The following MALRD1 variants were observed in gnomAD, a reference collection of about 807,000 sequenced individuals.
MALRD1 encodes the protein MAM and LDL-receptor class A domain-containing protein 1.
Under a neutral mutation model 242.1 loss-of-function variants are expected in MALRD1, and 247 were observed. The ratio of observed to expected loss-of-function variants is 1.02; its 90% confidence interval spans 0.92 to 1.13. MALRD1 has a LOEUF of 1.13. Among genes scored for constraint, MALRD1 ranks in the 50% most tolerant of loss-of-function variants. The probability of loss-of-function intolerance (pLI) is 0.00; values close to 1 mark genes in which losing one functional copy is unlikely to be tolerated. For missense variants in MALRD1, 2,989 were observed against 2,533.1 expected (o/e 1.18, Z -3.86); for synonymous variants, 995 against 866.6 (o/e 1.15, Z -2.60).
intron 19 of MALRD1, among the ~76,000 whole-genome samples, chr10:19,270,336 TCACACACACACACACA>T (rs200537040): frequency 6.9e-5 from 9 of 130,876 alleles, no homozygotes; most frequent in East Asian, 2.2e-4. Flanking sequence ...TCTCTCTCTC[TCACACACACACACACA>T]CACACACACA....
intron 30 of MALRD1, among the ~76,000 whole-genome samples, chr10:19,497,974 G>A (rs1009968712): frequency 4.6e-5 from 7 of 152,226 alleles, no homozygotes; most frequent in African/African-American, 1.4e-4. Context: ...CTTTAATTTA[G>A]TGACTAGCTC....
intron 33 of MALRD1, among the ~76,000 whole-genome samples, chr10:19,590,525 C>T (rs545275951): frequency 1.2e-3 from 189 of 151,752 alleles, no homozygotes; most frequent in African/African-American, 4.4e-3. Flanking sequence ...GCCTTAAAGT[C>T]AGCTTCCCAG....
chr10:19,294,226 T>C (rs1841584592), intron 21 of MALRD1, among the ~76,000 whole-genome samples: 1 of 152,152 alleles, frequency 6.6e-6, no homozygotes, highest in Non-Finnish European at 1.5e-5. Context: ...AAGAAATAAT[T>C]GTACTTACAT....
intron 29 of MALRD1, chr10:19,489,353 G>A (rs1837380554): frequency 1.8e-6 from 1 of 542,538 alleles, no homozygotes; most frequent in Non-Finnish European, 3.7e-6. Context: ...GAAAACTGAG[G>A]AGAGTCCAGC....
chr10:19,337,116 G>T (rs1421996861), intron 24 of MALRD1, among the ~76,000 whole-genome samples: 1 of 151,920 alleles, frequency 6.6e-6, no homozygotes, highest in East Asian at 1.9e-4. Flanking sequence ...TTACACATAT[G>T]TATATGTAAG....
intron 2 of MALRD1, among the ~76,000 whole-genome samples, chr10:19,086,902 T>A (rs768760259): frequency 6.6e-6 from 1 of 152,012 alleles, no homozygotes; most frequent in Non-Finnish European, 1.5e-5. Context: ...TCTGTTCCCA[T>A]ACATCTTTCT....
intron 5 of MALRD1, among the ~76,000 whole-genome samples, chr10:19,111,796 T>A (rs1338771105): frequency 6.6e-6 from 1 of 152,218 alleles, no homozygotes; most frequent in African/African-American, 2.4e-5. Flanking sequence ...CAGAGAGTTG[T>A]TTCTGTTTTT....
intron 29 of MALRD1, among the ~76,000 whole-genome samples, chr10:19,476,658 G>T (rs1284525524): frequency 6.6e-6 from 1 of 152,152 alleles, no homozygotes; most frequent in African/African-American, 2.4e-5. Flanking sequence ...TAGGTTAGAG[G>T]TGGATCTACA....
intron 33 of MALRD1, among the ~76,000 whole-genome samples, chr10:19,592,980 A>T (rs1837895291): frequency 6.6e-6 from 1 of 150,388 alleles, no homozygotes; most frequent in African/African-American, 2.5e-5. Flanking sequence ...GCTCATAAAG[A>T]TGAAAGTTTT....
chr10:19,282,843 C>A lies in MALRD1; in HGVS notation c.3257-176C>A, dbSNP rs891379019. 3.7e-4 allele frequency among the ~76,000 whole-genome samples: 56 copies of A among 152,050 alleles called. 1 individual carries two copies. The highest frequency in any genetic ancestry group is 3.5e-3 in the Admixed American group (54 of 15,258). On this transcript the variant is annotated intron_variant, in intron 20 of 39. Coordinates refer to ENST00000454679, the MANE Select transcript of MALRD1 (RefSeq NM_001142308.3). ...CCTATAAATATTTGACTAGAATAAA[C>A]CTAGATTTCTTTGAAACTCTTCCAG...
At chr10:19,357,684 CTT>C (rs1844698124) in intron 26 of MALRD1, among the ~76,000 whole-genome samples, 1 of 152,050 alleles carries the variant, frequency 6.6e-6, no homozygotes, top group Non-Finnish European at 1.5e-5. Context: ...TGCAAAAACA[CTT>C]AACTTGGAAT....
chr10:19,271,990 A>G (rs965060756), intron 19 of MALRD1, among the ~76,000 whole-genome samples: 1 of 152,166 alleles, frequency 6.6e-6, no homozygotes, highest in Non-Finnish European at 1.5e-5. Flanking sequence ...CATTTTATTC[A>G]TGTGTAATAA....
rs1564543209 is a variant in MALRD1 at position 19,301,538 on chromosome 10, A to G, written c.3419+18357A>G. On this transcript the variant is annotated intron_variant, in intron 21 of 39. Transcript: ENST00000454679. ...CATAGAACACTATGCAGCCATAGAG[A>G]AGAATGAGATCATGCCCTTTGCAGT... Among the ~76,000 whole-genome samples the G allele has an allele frequency of 3.9e-5, 6 of 151,924 alleles. No homozygotes were observed. In the South Asian group the frequency reaches 1.0e-3, roughly 26 times the overall value.
intron 36 of MALRD1, among the ~76,000 whole-genome samples, chr10:19,675,308 A>C (rs1842092638): frequency 6.6e-6 from 1 of 152,166 alleles, no homozygotes; most frequent in African/African-American, 2.4e-5. Flanking sequence ...CCATTTCACT[A>C]ATATTCACAT....
chr10:19,564,097 C>G (rs150408236), intron 32 of MALRD1, among the ~76,000 whole-genome samples: 2,127 of 152,294 alleles, frequency 0.014, 20 homozygotes, highest in South Asian at 0.039. Context: ...AGTTAAACCT[C>G]TTTTCTTAAG....
intron 25 of MALRD1, among the ~76,000 whole-genome samples, chr10:19,349,271 T>C (rs1290197304): frequency 6.6e-6 from 1 of 152,166 alleles, no homozygotes; most frequent in Non-Finnish European, 1.5e-5. Flanking sequence ...CAACTTACAC[T>C]TCTCTGTGCC....
At chr10:19,383,863 G>C (rs1845940796) in intron 26 of MALRD1, among the ~76,000 whole-genome samples, 1 of 151,818 alleles carries the variant, frequency 6.6e-6, no homozygotes, top group Admixed American at 6.6e-5. Context: ...CCAGGACTTT[G>C]AGAGAGGCAG....
intron 8 of MALRD1, among the ~76,000 whole-genome samples, chr10:19,131,769 C>T (rs1833119357): frequency 6.6e-6 from 1 of 152,072 alleles, no homozygotes; most frequent in South Asian, 2.1e-4. Context: ...GGTAAATCGG[C>T]ATTATTGATC....
intron 24 of MALRD1, among the ~76,000 whole-genome samples, chr10:19,346,048 A>G (rs1299345247): frequency 1.3e-5 from 2 of 152,046 alleles, no homozygotes; most frequent in African/African-American, 2.4e-5. Context: ...GCCTCCTAAA[A>G]TGTTGTGATT....
Sources: allele counts gnomAD v4.1 joint callset (sites outside exome capture counted in the v4.1 genomes callset), GRCh38; gene constraint gnomAD v4.1.1; transcripts MANE v1.5; gene names NCBI Gene and HGNC (gene_info 2026-07-23, HGNC 2026-07-21).